The following SLC39A14 variants were observed in gnomAD, a reference collection of about 807,000 sequenced individuals.
SLC39A14 encodes the protein metal cation symporter ZIP14.
A neutral mutation model predicts 45.5 loss-of-function variants in SLC39A14; 19 were observed. That is an observed-to-expected ratio of 0.42 (90% CI 0.29 to 0.61). The LOEUF (loss-of-function observed/expected upper bound fraction) is 0.61. SLC39A14 is among the 20% of genes least tolerant of loss of function. The pLI is 0.22. For missense variants in SLC39A14, 447 were observed against 616.5 expected (o/e 0.73, Z 2.91); for synonymous variants, 264 against 251.3 (o/e 1.05, Z -0.48).
At chr8:22,430,455 G>C (rs908390235) in intron 8 of SLC39A14, among the ~76,000 whole-genome samples, 10 of 152,124 alleles carry the variant, frequency 6.6e-5, no homozygotes, top group African/African-American at 2.4e-4. Flanking sequence ...TAGACGGTAG[G>C]GGGAGGAAGT....
In SLC39A14 at chr8:22,420,190, T is replaced by C. The variant is rs76963096; in HGVS notation, c.*492T>C. The C allele has an allele frequency of 3.0e-3, 2,919 of 986,018 alleles. 60 individuals carry two copies. In the East Asian group the frequency reaches 0.095, roughly 32 times the overall value. The allele number at this position is 986,018 out of a possible 1,614,324, so 61.1% of individuals were successfully genotyped here. A position where few individuals can be genotyped will look rare whatever the true frequency, so the allele number is the denominator to read the frequency against. ...GACAGGAGACAGGAAGCCTTCCCAT[T>C]TTTTCAAAGTCTGTTTAATTGCCTA... is the stretch of plus-strand genomic sequence containing the variant. On this transcript the variant is annotated 3_prime_UTR_variant, in exon 9 of 9. Transcript: ENST00000381237.
intron 3 of SLC39A14, chr8:22,410,051 C>G (rs746131520): frequency 2.5e-6 from 4 of 1,614,194 alleles, no homozygotes; most frequent in Non-Finnish European, 3.4e-6. Flanking sequence ...CGTGTGCTCA[C>G]TTACTTCATC....
At position 22,408,507 on chromosome 8, in the gene SLC39A14, C is replaced by T. The variant is rs951906800; in HGVS notation, c.457+11C>T. 5.6e-6 allele frequency: 9 copies of T among 1,607,774 alleles called. No individual in the cohort carries two copies. The East Asian group carries it at 1.8e-4, about 32-fold the overall frequency. On this transcript the variant is annotated intron_variant, in intron 3 of 8. Coordinates refer to ENST00000381237, the MANE Select transcript of SLC39A14 (RefSeq NM_001128431.4). The stretch of plus-strand genomic sequence containing the variant: ...CAAGCGCTGTTGAAGGTGAGCCAGG[C>T]CAGGAAGGCAGGAGCCCATCTCCCA...
At chr8:22,371,981 G>C (rs1252701141) in intron 1 of SLC39A14, among the ~76,000 whole-genome samples, 1 of 151,942 alleles carries the variant, frequency 6.6e-6, no homozygotes, top group Non-Finnish European at 1.5e-5. Context: ...CTGACTTTGT[G>C]ATCCGCCCGC....
chr8:22,374,475 G>C (rs1833099341), intron 1 of SLC39A14, among the ~76,000 whole-genome samples: 1 of 152,102 alleles, frequency 6.6e-6, no homozygotes, highest in Non-Finnish European at 1.5e-5. Flanking sequence ...GGGAGGGACT[G>C]AGCCACATCT....
At chr8:22,395,387 T>C (rs77220867) in intron 1 of SLC39A14, among the ~76,000 whole-genome samples, 1 of 152,192 alleles carries the variant, frequency 6.6e-6, no homozygotes, top group African/African-American at 2.4e-5. Context: ...TGGTTTAAGT[T>C]TTCTTGTCCA....
chr8:22,424,556 G>C (rs920828885), downstream of SLC39A14, among the ~76,000 whole-genome samples: 3 of 151,998 alleles, frequency 2.0e-5, no homozygotes, highest in Non-Finnish European at 2.9e-5. Flanking sequence ...CTGACACCTC[G>C]ACGTCCTTTT....
intron 8 of SLC39A14, among the ~76,000 whole-genome samples, chr8:22,430,031 G>A (rs1366577671): frequency 6.6e-6 from 1 of 152,230 alleles, no homozygotes; most frequent in East Asian, 1.9e-4. Context: ...GTAAACAGCA[G>A]AAACAAGGCC....
chr8:22,388,031 A>G (rs1300210479), intron 1 of SLC39A14, among the ~76,000 whole-genome samples: 1 of 152,242 alleles, frequency 6.6e-6, no homozygotes, highest in African/African-American at 2.4e-5. Context: ...ATGCGTTTGC[A>G]CGGTGAGTGT....
chr8:22,409,175 CT>C (rs1835414051), intron 3 of SLC39A14, among the ~76,000 whole-genome samples: 1 of 152,076 alleles, frequency 6.6e-6, no homozygotes, highest in South Asian at 2.1e-4. Flanking sequence ...CACTTGGCCC[CT>C]GAATCCTTCT....
At chr8:22,406,647 A>G (rs1186501931) in intron 2 of SLC39A14, among the ~76,000 whole-genome samples, 1 of 152,172 alleles carries the variant, frequency 6.6e-6, no homozygotes, top group Non-Finnish European at 1.5e-5. Context: ...AGCGGAGATT[A>G]TGCCACTGCA....
chr8:22,382,906 CG>C (rs1428033783), intron 1 of SLC39A14, among the ~76,000 whole-genome samples: 1 of 150,198 alleles, frequency 6.7e-6, no homozygotes, highest in African/African-American at 2.5e-5. Context: ...TTGGTAGAGA[CG>C]GGGTTTCACT....
chr8:22,397,268 A>T (rs1045486260), intron 1 of SLC39A14, among the ~76,000 whole-genome samples: 3 of 151,872 alleles, frequency 2.0e-5, no homozygotes, highest in African/African-American at 7.3e-5. Flanking sequence ...GTAGCCCTTG[A>T]TTTTTTTTAT....
In SLC39A14 at chr8:22,416,386, T is replaced by C; in HGVS notation, c.1147+106T>C. 19 of 914,478 alleles carry C rather than the reference T, an allele frequency of 2.1e-5. 1 individual carries two copies. The South Asian group carries it at 2.9e-4, about 14-fold the overall frequency. The allele number at this position is 914,478 out of a possible 1,614,324, so 56.6% of individuals were successfully genotyped here. Reference sequence around the variant, plus strand: ...CATCTCCCTGTCTTCACAGTGCTTATTGTAACTGATTTAACACACTCCTAA... The same window carrying C: ...CATCTCCCTGTCTTCACAGTGCTTACTGTAACTGATTTAACACACTCCTAA... On this transcript the variant is annotated intron_variant, in intron 7 of 8. Coordinates refer to ENST00000381237, the MANE Select transcript of SLC39A14 (RefSeq NM_001128431.4).
In SLC39A14 at chr8:22,419,768, C is replaced by A. The variant is rs553245263; in HGVS notation, c.*70C>A. ...GCCCGATCGCCAGCCCGAGGACTTA[C>A]CATCCACAATGCACCACGGAAGAGG... On this transcript the variant is annotated 3_prime_UTR_variant, in exon 9 of 9. Coordinates refer to ENST00000381237, the MANE Select transcript of SLC39A14 (RefSeq NM_001128431.4). 6.6e-7 allele frequency: 1 copy of A among 1,506,974 alleles called. No individual in the cohort carries two copies. Among genetic ancestry groups the A allele is most frequent in the Non-Finnish European group, 8.8e-7 (1 of 1,130,130 alleles). The allele number at this position is 1,506,974 out of a possible 1,614,324, so 93.4% of individuals were successfully genotyped here. A position where few individuals can be genotyped will look rare whatever the true frequency, so the allele number is the denominator to read the frequency against.
chr8:22,395,129 C>T (rs983365478), intron 1 of SLC39A14, among the ~76,000 whole-genome samples: 3 of 151,998 alleles, frequency 2.0e-5, no homozygotes, highest in African/African-American at 7.3e-5. Flanking sequence ...CCTGCCCCAG[C>T]CTCCTGAGTA....
intron 8 of SLC39A14, among the ~76,000 whole-genome samples, chr8:22,433,705 G>T (rs769726834): frequency 2.0e-5 from 3 of 151,926 alleles, no homozygotes; most frequent in East Asian, 1.9e-4. Context: ...GACCACAGGC[G>T]CATGCCACCA....
intron 8 of SLC39A14, among the ~76,000 whole-genome samples, chr8:22,430,048 T>C (rs1028058010): frequency 6.6e-6 from 1 of 152,206 alleles, no homozygotes; most frequent in Non-Finnish European, 1.5e-5. Context: ...GGCCAGTCTG[T>C]CTGGACTGCA....
rs144319573 is a variant in SLC39A14 at position 22,389,688 on chromosome 8, G to A, written c.-15-15008G>A. 1.1e-3 allele frequency among the ~76,000 whole-genome samples: 162 copies of A among 152,276 alleles called. 2 individuals are homozygous for A. The highest frequency in any genetic ancestry group is 2.0e-3 in the Non-Finnish European group (134 of 68,018). ...CGGGGTGGCGAGGTGAGAGGCTTAG[G>A]GGGGCTATCAGTCATTTTGAGAGGT... On this transcript the variant is annotated intron_variant, in intron 1 of 8. Coordinates refer to ENST00000381237, the MANE Select transcript of SLC39A14 (RefSeq NM_001128431.4).
Sources: allele counts gnomAD v4.1 joint callset (sites outside exome capture counted in the v4.1 genomes callset), GRCh38; gene constraint gnomAD v4.1.1; transcripts MANE v1.5; gene names NCBI Gene and HGNC (gene_info 2026-07-23, HGNC 2026-07-21).